Variants in DGKD observed in about 807,000 individuals in gnomAD.
DGKD encodes the protein diacylglycerol kinase delta.
In DGKD, 68 loss-of-function variants were observed where a neutral mutation model predicts 154.4. The observed-to-expected ratio is 0.44, with a 90% CI of 0.36 to 0.54. The LOEUF (loss-of-function observed/expected upper bound fraction) is 0.54, where lower values mean the gene tolerates loss of function less well. Ranked by LOEUF, DGKD falls within the 20% of genes least tolerant of loss-of-function variation. DGKD has a pLI of 0.00. For missense variants in DGKD, 1,343 were observed against 1,593.6 expected (o/e 0.84, Z 2.68); for synonymous variants, 693 against 638.0 (o/e 1.09, Z -1.30).
rs149523212 is a variant in DGKD at position 233,356,899 on chromosome 2, G to T, written c.156+2225G>T. On this transcript the variant is annotated intron_variant, in intron 1 of 29. Transcript: ENST00000264057. ...GTACATAATAGAAACATCAAAAATG[G>T]TATGGGGTAGCAGTCTGAGTCTAAA... Among the ~76,000 whole-genome samples the T allele has an allele frequency of 3.1e-3, 478 of 152,092 alleles. 1 individual carries two copies. Among genetic ancestry groups the T allele is most frequent in the African/African-American group, 0.011 (444 of 41,460 alleles).
chr2:233,431,018 T>C (rs919528120), intron 3 of DGKD, among the ~76,000 whole-genome samples: 8 of 152,168 alleles, frequency 5.3e-5, no homozygotes, highest in African/African-American at 1.9e-4. Flanking sequence ...GGTATCCAAA[T>C]TGGAAAGGAA....
intron 1 of DGKD, among the ~76,000 whole-genome samples, chr2:233,367,480 C>G (rs577168982): frequency 6.6e-6 from 1 of 152,124 alleles, no homozygotes; most frequent in African/African-American, 2.4e-5. Context: ...CCGCCCACCT[C>G]GGCCTCCCAA....
intron 24 of DGKD, 21 bp from the exon 25 acceptor site, chr2:233,462,327 C>T (rs1338473205): frequency 7.6e-6 from 12 of 1,579,228 alleles, no homozygotes; most frequent in African/African-American, 4.0e-5. Context: ...GACATCTGCC[C>T]GTGCTTCTCT....
At chr2:233,465,923 C>A (rs2063809754) in intron 27 of DGKD, among the ~76,000 whole-genome samples, 1 of 150,990 alleles carries the variant, frequency 6.6e-6, no homozygotes, top group East Asian at 1.9e-4. Flanking sequence ...TCCAAAGTAA[C>A]AATATAAAAA....
intron 3 of DGKD, chr2:233,419,305 G>A (rs768759473): frequency 9.0e-5 from 89 of 985,412 alleles, no homozygotes; most frequent in Non-Finnish European, 8.9e-5. Flanking sequence ...GCTCTACTTC[G>A]TAATCTGTAG....
At chr2:233,408,047 T>TG (rs2061729228) in intron 3 of DGKD, among the ~76,000 whole-genome samples, 1 of 151,316 alleles carries the variant, frequency 6.6e-6, no homozygotes, top group African/African-American at 2.4e-5. Context: ...AAAAACTGTT[T>TG]TTTTTTTTTT....
intron 1 of DGKD, among the ~76,000 whole-genome samples, chr2:233,373,568 T>C (rs916098481): frequency 2.6e-5 from 4 of 152,228 alleles, no homozygotes; most frequent in Non-Finnish European, 4.4e-5. Flanking sequence ...GAAACGATAC[T>C]GTTGGATCAA....
chr2:233,367,334 T>G (rs192417582), intron 1 of DGKD, among the ~76,000 whole-genome samples: 150 of 152,168 alleles, frequency 9.9e-4, no homozygotes, highest in African/African-American at 3.5e-3. Context: ...GTTCAAATGA[T>G]TCTCCTGCCT....
chr2:233,462,472 G>C lies in DGKD; in HGVS notation c.3093+13G>C. The C allele has an allele frequency of 6.3e-7, 1 of 1,588,996 alleles. No homozygotes were observed. The highest frequency in any genetic ancestry group is 8.6e-7 in the Non-Finnish European group (1 of 1,161,818). The stretch of plus-strand genomic sequence containing the variant: ...CAGAACCACAGAGGTAGCTATTCTG[G>C]CCTTTTCAGTCCTGGCTTCTTCTCA... On this transcript the variant is annotated intron_variant, in intron 25 of 29. Transcript: ENST00000264057.
chr2:233,386,576 T>A (rs1703191585), intron 1 of DGKD, among the ~76,000 whole-genome samples: 1 of 151,494 alleles, frequency 6.6e-6, no homozygotes, highest in African/African-American at 2.4e-5. Context: ...GGGAGGTCAC[T>A]TCTGGCAAAC....
chr2:233,466,411 A>G (rs551650985), intron 27 of DGKD, among the ~76,000 whole-genome samples: 25 of 152,002 alleles, frequency 1.6e-4, no homozygotes, highest in African/African-American at 5.5e-4. Flanking sequence ...ATCTTTAGTA[A>G]TTCTTTTTAT....
chr2:233,357,354 C>T (rs1473330082), intron 1 of DGKD, among the ~76,000 whole-genome samples: 1 of 152,062 alleles, frequency 6.6e-6, no homozygotes, highest in Non-Finnish European at 1.5e-5. Flanking sequence ...AAATATTAGT[C>T]TAGTGCAAGT....
chr2:233,457,394 G>A lies in DGKD; in HGVS notation c.2580+66G>A. 1 of 1,181,174 alleles carries A rather than the reference G, an allele frequency of 8.5e-7. No individual in the cohort carries two copies. The highest frequency in any genetic ancestry group is 1.2e-5 in the South Asian group (1 of 81,936). 73.2% of individuals were successfully genotyped at this position (1,181,174 alleles called of 1,614,324 possible). On this transcript the variant is annotated intron_variant, in intron 21 of 29. Transcript: ENST00000264057. The surrounding 1 kb of genome is among the most constrained non-coding windows in gnomAD (Gnocchi z 5.5). Reference sequence around the variant, plus strand: ...GGAAGAGCTGTCTGAGAGCAGGGGGGTGTTCTGCTGTGGCTGGGGTGGATC... The same window carrying A: ...GGAAGAGCTGTCTGAGAGCAGGGGGATGTTCTGCTGTGGCTGGGGTGGATC...
At chr2:233,368,852 G>A (rs889845304) in intron 1 of DGKD, among the ~76,000 whole-genome samples, 4 of 152,154 alleles carry the variant, frequency 2.6e-5, no homozygotes, top group Non-Finnish European at 4.4e-5. Context: ...GCTATGTTGC[G>A]ATCTGTTTTC....
intron 5 of DGKD, among the ~76,000 whole-genome samples, chr2:233,435,224 C>T (rs528304196): frequency 6.6e-5 from 10 of 152,256 alleles, no homozygotes; most frequent in South Asian, 2.1e-4. Context: ...GCCGGGGAAA[C>T]GGGGCTGTGC....
chr2:233,394,547 T>A (rs182287875), intron 3 of DGKD, among the ~76,000 whole-genome samples: 2 of 152,290 alleles, frequency 1.3e-5, no homozygotes, highest in Non-Finnish European at 2.9e-5. Flanking sequence ...ATGAGTAGTT[T>A]GTGTCATTAA....
In DGKD at chr2:233,379,771, T is replaced by G. The variant is rs28617593; in HGVS notation, c.157-8486T>G. Reference sequence around the variant, plus strand: ...GCTCAGGAGGTTGGGAGTGGAGCAGTAACTTGCTTTTTCTTTACTTTTTTA... The same window carrying G: ...GCTCAGGAGGTTGGGAGTGGAGCAGGAACTTGCTTTTTCTTTACTTTTTTA... On this transcript the variant is annotated intron_variant, in intron 1 of 29. Coordinates refer to ENST00000264057, the MANE Select transcript of DGKD (RefSeq NM_152879.3). 336 of 152,354 alleles carry G rather than the reference T, an allele frequency of 2.2e-3. 1 individual carries two copies. The highest frequency in any genetic ancestry group is 7.8e-3 in the African/African-American group (323 of 41,580). 9.4% of individuals were successfully genotyped at this position (152,354 alleles called of 1,614,324 possible). A position where few individuals can be genotyped will look rare whatever the true frequency, so the allele number is the denominator to read the frequency against.
intron 1 of DGKD, among the ~76,000 whole-genome samples, chr2:233,378,746 A>G (rs971285123): frequency 2.0e-5 from 3 of 152,120 alleles, no homozygotes; most frequent in Non-Finnish European, 2.9e-5. Context: ...TTCTTTAAAG[A>G]TTAGGGATAT....
Position 233,449,415 on chromosome 2 carries a change from C to T in DGKD, c.1888+39C>T, listed in dbSNP as rs1472869714. The T allele has an allele frequency of 1.9e-6, 3 of 1,562,204 alleles. No homozygotes were observed. The highest frequency in any genetic ancestry group is 8.7e-7 in the Non-Finnish European group (1 of 1,147,450). On this transcript the variant is annotated intron_variant, in intron 15 of 29. Coordinates refer to ENST00000264057, the MANE Select transcript of DGKD (RefSeq NM_152879.3). This position sits in a 1 kb window ranked among gnomAD's most constrained non-coding sequence, Gnocchi z 5.3. Reference sequence around the variant, plus strand: ...TGATGAGGAGGGGCTTTCCTCAGGCCAGCACTGGGCATGCCCAGCGTCCCC... The same window carrying T: ...TGATGAGGAGGGGCTTTCCTCAGGCTAGCACTGGGCATGCCCAGCGTCCCC...
Sources: gnomAD v4.1 joint callset for allele counts (sites outside exome capture counted in the v4.1 genomes callset) on GRCh38, gnomAD v4.1.1 for gene constraint, Gnocchi (gnomAD v3.1) non-coding constraint, MANE v1.5 for transcripts, NCBI Gene and HGNC (gene_info 2026-07-23, HGNC 2026-07-21) for gene names.